HSPA4: variants seen among roughly 807,000 people sequenced by gnomAD.
HSPA4 encodes the protein heat shock protein family A (Hsp70) member 4.
A neutral mutation model predicts 106.2 loss-of-function variants in HSPA4; 25 were observed. The ratio of observed to expected loss-of-function variants is 0.24; its 90% CI spans 0.17 to 0.33. The LOEUF is 0.33. Among genes scored for constraint, HSPA4 ranks in the 10% least tolerant of loss-of-function variants. The pLI is 1.00. For synonymous variants in HSPA4, 332 were observed against 333.6 expected (o/e 1.00, Z 0.05); for missense variants, 841 against 996.0 (o/e 0.84, Z 2.10).
rs1330927208 is a variant in HSPA4, at chr5:133,089,637, C to T, written c.1320C>T (p.Phe440=). The change falls in exon 11 of 19, where the codon TTC becomes TTT. Residue 440 remains phenylalanine, a synonymous_variant. Transcript: ENST00000304858. ...KVLTFYRKEP[F]TLEAYYSSPQ... Reference sequence around the variant, plus strand: ...TTACATTTTATAGAAAGGAACCTTTCACTCTTGAGGCCTACTACAGCTCTC... The same window carrying T: ...TTACATTTTATAGAAAGGAACCTTTTACTCTTGAGGCCTACTACAGCTCTC... 6.2e-7 allele frequency: 1 copy of T among 1,611,852 alleles called. No homozygotes were observed. Among genetic ancestry groups the T allele is most frequent in the Non-Finnish European group, 8.5e-7 (1 of 1,178,492 alleles).
chr5:133,056,608 CA>C (rs1480717237), intron 1 of HSPA4, among the ~76,000 whole-genome samples: 1 of 152,196 alleles, frequency 6.6e-6, no homozygotes, highest in African/African-American at 2.4e-5. Flanking sequence ...ACGTTTTCTT[CA>C]AACAGGTTAT....
intron 11 of HSPA4, 142 bp from the exon 12 acceptor site, chr5:133,091,051 A>C: frequency 1.3e-6 from 1 of 770,338 alleles, no homozygotes; most frequent in Non-Finnish European, 2.4e-6. Flanking sequence ...TAAGATTCTA[A>C]AAGGACCGAT....
At chr5:133,102,911 G>GTATTTTTT (rs1581483781) in intron 17 of HSPA4, among the ~76,000 whole-genome samples, 1 of 48,892 alleles carries the variant, frequency 2.0e-5, no homozygotes, top group Admixed American at 1.4e-4. Context: ...AACTAGGGTT[G>GTATTTTTT]TCTTTTTTTT....
chr5:133,094,430 C>T (rs190087053), intron 13 of HSPA4, among the ~76,000 whole-genome samples: 2 of 152,254 alleles, frequency 1.3e-5, no homozygotes, highest in Admixed American at 1.3e-4. Flanking sequence ...AATTTAATTG[C>T]TTTTCTTTAG....
In HSPA4 at chr5:133,103,573, A is replaced by C. The variant is rs1009702674; in HGVS notation, c.2158-292A>C. On this transcript the variant is annotated intron_variant, in intron 17 of 18. Coordinates refer to ENST00000304858, the MANE Select transcript of HSPA4 (RefSeq NM_002154.4). ...TCTAATGTAATTTTTTTGCATTGTG[A>C]AATTATCTTCCTAAGATTTTGTATA... Among the ~76,000 whole-genome samples the C allele has an allele frequency of 2.6e-5, 4 of 152,104 alleles. No individual in the cohort carries two copies. In the South Asian group the frequency reaches 6.2e-4, roughly 24 times the overall value.
At chr5:133,082,266 G>C (rs1299805793) in intron 7 of HSPA4, among the ~76,000 whole-genome samples, 1 of 152,102 alleles carries the variant, frequency 6.6e-6, no homozygotes, top group Non-Finnish European at 1.5e-5. Context: ...TAGGGCTGTG[G>C]GAGTTGAGGA....
intron 17 of HSPA4, among the ~76,000 whole-genome samples, chr5:133,102,164 T>A (rs1007983631): frequency 6.6e-6 from 1 of 152,176 alleles, no homozygotes; most frequent in African/African-American, 2.4e-5. Flanking sequence ...TGACCTCAAG[T>A]GATCCACCTG....
intron 1 of HSPA4, among the ~76,000 whole-genome samples, chr5:133,062,558 A>G (rs1765257234): frequency 6.6e-6 from 1 of 152,152 alleles, no homozygotes; most frequent in African/African-American, 2.4e-5. Flanking sequence ...TTTACGTGGT[A>G]GTGAGGATTT....
chr5:133,072,558 GTTTA>G (rs1480306451), intron 4 of HSPA4, among the ~76,000 whole-genome samples: 1 of 149,100 alleles, frequency 6.7e-6, no homozygotes, highest in Non-Finnish European at 1.5e-5. Context: ...CCAGCTAGTG[GTTTA>G]TTTTTTTTTT....
intron 8 of HSPA4, 143 bp downstream of exon 8, chr5:133,087,001 T>C: frequency 1.7e-6 from 1 of 582,596 alleles, no homozygotes; most frequent in South Asian, 2.3e-5. Flanking sequence ...TTTTTCAACC[T>C]GTATCTTCCC....
At chr5:133,079,814 G>C (rs1356345706) in intron 7 of HSPA4, among the ~76,000 whole-genome samples, 1 of 152,144 alleles carries the variant, frequency 6.6e-6, no homozygotes, top group East Asian at 1.9e-4. Flanking sequence ...TAGTAGCTTT[G>C]TGTTAATTCA....
chr5:133,090,315 C>T (rs1193612899), intron 11 of HSPA4, among the ~76,000 whole-genome samples: 1 of 150,910 alleles, frequency 6.6e-6, no homozygotes, highest in African/African-American at 2.4e-5. Context: ...CCTGTAATCC[C>T]AGCTACTTGG....
intron 4 of HSPA4, among the ~76,000 whole-genome samples, chr5:133,072,392 GTTTTTTTTTT>G (rs748459297): frequency 3.7e-4 from 28 of 75,732 alleles, no homozygotes; most frequent in Admixed American, 3.3e-3. Flanking sequence ...GTCCAGGGTT[GTTTTTTTTTT>G]TTTTTTTTTT....
In HSPA4 at chr5:133,103,844, TTGAC is replaced by T. The variant is rs1233571271; in HGVS notation, c.2158-18_2158-15del. On this transcript the variant is annotated splice_polypyrimidine_tract_variant and intron_variant, in intron 17 of 18. Coordinates refer to ENST00000304858, the MANE Select transcript of HSPA4 (RefSeq NM_002154.4). ...AGGGTATCACACTTTTAGCACTTGTTTGACTGTCTCCTGGTTGCAGGAGGACCAG... is the reference window on the plus strand; with the variant it reads ...AGGGTATCACACTTTTAGCACTTGTTTGTCTCCTGGTTGCAGGAGGACCAG... The T allele has an allele frequency of 1.9e-6, 3 of 1,606,454 alleles. No homozygotes were observed. The highest frequency in any genetic ancestry group is 1.7e-6 in the Non-Finnish European group (2 of 1,176,364).
chr5:133,054,549 T>C (rs377741461), intron 1 of HSPA4, among the ~76,000 whole-genome samples: 1 of 152,204 alleles, frequency 6.6e-6, no homozygotes, highest in African/African-American at 2.4e-5. Flanking sequence ...TTTAACCAGA[T>C]GAAGTGATCG....
intron 7 of HSPA4, among the ~76,000 whole-genome samples, chr5:133,085,173 T>C (rs1765562590): frequency 6.6e-6 from 1 of 151,828 alleles, no homozygotes; most frequent in Non-Finnish European, 1.5e-5. Context: ...TTCGTAGAGC[T>C]CAGCAGCCAT....
At chr5:133,073,827 G>T (rs550955755) in intron 5 of HSPA4, among the ~76,000 whole-genome samples, 166 bp from the exon 6 acceptor site, 1 of 152,322 alleles carries the variant, frequency 6.6e-6, no homozygotes, top group East Asian at 1.9e-4. Context: ...ACTCTTGGAA[G>T]ATAATCTTTT....
At chr5:133,064,734 A>G (rs532602108) in intron 1 of HSPA4, among the ~76,000 whole-genome samples, 1 of 152,228 alleles carries the variant, frequency 6.6e-6, no homozygotes, top group South Asian at 2.1e-4. Context: ...TGTCTAGCCC[A>G]CCTCTCTAGT....
Position 133,074,057 on chromosome 5 carries a change from A to G in HSPA4, c.594A>G (p.Val198=), listed in dbSNP as rs115939709. 1.2e-6 allele frequency: 2 copies of G among 1,607,906 alleles called. No individual in the cohort carries two copies. Among genetic ancestry groups the G allele is most frequent in the East Asian group, 4.5e-5 (2 of 44,510 alleles). ...LPALEEKPRN[V]VFVDMGHSAY... ...CCTTAGAAGAGAAACCAAGAAATGTAGTTTTTGTAGACATGGGCCACTCTG... is the reference window on the plus strand; with the variant it reads ...CCTTAGAAGAGAAACCAAGAAATGTGGTTTTTGTAGACATGGGCCACTCTG... The change falls in exon 6 of 19, where the codon GTA becomes GTG. Residue 198 remains valine (V), a synonymous_variant. Transcript: ENST00000304858.
Sources: gnomAD v4.1 joint callset for allele counts (sites outside exome capture counted in the v4.1 genomes callset) on GRCh38, gnomAD v4.1.1 for gene constraint, MANE v1.5 for transcripts, NCBI Gene and HGNC (gene_info 2026-07-23, HGNC 2026-07-21) for gene names.